Variants in FAM91A1 observed in about 807,000 individuals in gnomAD.
FAM91A1 encodes protein FAM91A1.
Under a neutral mutation model 113.5 loss-of-function variants are expected in FAM91A1, and 41 were observed. That is an observed-to-expected ratio of 0.36 (90% CI 0.28 to 0.47). The LOEUF is 0.47. FAM91A1 is among the 20% of genes least tolerant of loss of function. FAM91A1 has a pLI of 1.00. For missense variants in FAM91A1, 696 were observed against 1,001.2 expected (o/e 0.70, Z 4.11); for synonymous variants, 307 against 347.9 (o/e 0.88, Z 1.31).
In FAM91A1 at chr8:123,806,214, G is replaced by T. The variant is rs200021331; in HGVS notation, c.2017G>T (p.Ala673Ser). ...ACTTGCAGATAGAAAACTCAGTGAT[G>T]CTTCTGATGAGAGAGGTTAGCCAAT... ...SQLADRKLSDASDERGEPDLA... is the reference protein window; with the variant it reads ...SQLADRKLSDSSDERGEPDLA... Residue 673 changes from alanine to serine, a missense_variant, in exon 20 of 24, where the codon GCT becomes TCT. Ala to Ser is a moderately conservative substitution (Grantham distance 99, BLOSUM62 1). Coordinates refer to ENST00000334705, the MANE Select transcript of FAM91A1 (RefSeq NM_144963.4). 1.8e-4 allele frequency: 290 copies of T among 1,611,710 alleles called. No homozygotes were observed. The highest frequency in any genetic ancestry group is 2.3e-4 in the Non-Finnish European group (275 of 1,178,840).
In FAM91A1 at chr8:123,808,449, C is replaced by G. The variant is rs1184362813; in HGVS notation, c.2137+73C>G. On this transcript the variant is annotated intron_variant, in intron 21 of 23. Coordinates refer to ENST00000334705, the MANE Select transcript of FAM91A1 (RefSeq NM_144963.4). ...TTTAACTTTTATGTTAAGGCATTTG[C>G]ATGCCATTTGTCTATTCTTATTATT... The G allele has an allele frequency of 1.2e-5, 15 of 1,226,972 alleles. No homozygotes were observed. The South Asian group carries it at 1.8e-4, about 15-fold the overall frequency. 76.0% of individuals were successfully genotyped at this position (1,226,972 alleles called of 1,614,324 possible).
chr8:123,776,776 G>A (rs1161433575), intron 3 of FAM91A1, among the ~76,000 whole-genome samples: 1 of 152,232 alleles, frequency 6.6e-6, no homozygotes, highest in African/African-American at 2.4e-5. Flanking sequence ...TGGAGAAACA[G>A]ATTGGGGCAG....
intron 15 of FAM91A1, among the ~76,000 whole-genome samples, chr8:123,790,144 G>A (rs1456604845): frequency 6.6e-6 from 1 of 152,164 alleles, no homozygotes; most frequent in Non-Finnish European, 1.5e-5. Flanking sequence ...GGAGCCTTCT[G>A]TTCAAATGCT....
chr8:123,789,965 A>G (rs1000056789), intron 15 of FAM91A1, among the ~76,000 whole-genome samples: 2 of 152,296 alleles, frequency 1.3e-5, no homozygotes, highest in Non-Finnish European at 2.9e-5. Context: ...TGTAGTATTT[A>G]AATCTGTTCA....
chr8:123,802,695 A>G (rs1238086269), intron 18 of FAM91A1, among the ~76,000 whole-genome samples: 3 of 152,238 alleles, frequency 2.0e-5, no homozygotes, highest in African/African-American at 7.2e-5. Context: ...GGGAAGATAT[A>G]TAGTATGGGG....
chr8:123,778,591 A>T, intron 5 of FAM91A1, 68 bp from the exon 6 acceptor site: 1 of 1,052,276 alleles, frequency 9.5e-7, no homozygotes, highest in East Asian at 2.5e-5. Flanking sequence ...CAATCTTATG[A>T]TATGATTGAT....
chr8:123,775,374 A>G lies in FAM91A1; in HGVS notation c.309+76A>G, dbSNP rs1814957510. ...CTGGGACTTTTTGCAGATGTTCACCAGCTCTTCAGCTGTCGTCTGCGGTGG... is the reference window on the plus strand; with the variant it reads ...CTGGGACTTTTTGCAGATGTTCACCGGCTCTTCAGCTGTCGTCTGCGGTGG... On this transcript the variant is annotated intron_variant, in intron 3 of 23. Transcript: ENST00000334705. 3.3e-6 allele frequency: 5 copies of G among 1,526,362 alleles called. No individual in the cohort carries two copies. In the Admixed American group the frequency reaches 9.3e-5, roughly 28 times the overall value. 94.6% of individuals were successfully genotyped at this position (1,526,362 alleles called of 1,614,324 possible). A position where few individuals can be genotyped will look rare whatever the true frequency, so the allele number is the denominator to read the frequency against.
chr8:123,812,409 G>GA, intron 23 of FAM91A1, 110 bp from the exon 24 acceptor site: 1 of 714,156 alleles, frequency 1.4e-6, no homozygotes. Context: ...GTACTGCTTT[G>GA]CAATCCATAA....
At chr8:123,792,864 A>G (rs555278718) in intron 15 of FAM91A1, among the ~76,000 whole-genome samples, 1 of 152,308 alleles carries the variant, frequency 6.6e-6, no homozygotes, top group Admixed American at 6.5e-5. Context: ...CACCTATGAC[A>G]AGGTCAGAAA....
At position 123,775,253 on chromosome 8, in the gene FAM91A1, A is replaced by G. The variant is rs368811106; in HGVS notation, c.264A>G (p.Lys88=). The G allele has an allele frequency of 4.1e-5, 66 of 1,613,870 alleles. No homozygotes were observed. The highest frequency in any genetic ancestry group is 5.3e-5 in the African/African-American group (4 of 74,924). The change falls in exon 3 of 24, where the codon AAA becomes AAG. Residue 88 remains lysine (K), a synonymous_variant. Transcript: ENST00000334705. ...ACCATCTATCGGATATTATGGTGAA[A>G]GGCTTGAGGATAACACCATTTTCAT... ...YPYHLSDIMV[K]GLRITPFSYY...
Position 123,799,831 on chromosome 8 carries a change from A to G in FAM91A1, c.1755A>G (p.Ser585=), listed in dbSNP as rs757274086. The change falls in exon 18 of 24, where the codon TCA becomes TCG. Residue 585 remains serine (S), a synonymous_variant. Transcript: ENST00000334705. ...ATGATCCTGGAGTAGTTCCTACCTC[A>G]AATGTGCTCACGATGTTGAATGATG... The part of the protein sequence containing the change: ...WGHDPGVVPT[S]NVLTMLNDAL... 23 of 1,609,718 alleles carry G rather than the reference A, an allele frequency of 1.4e-5. No individual in the cohort carries two copies. Among genetic ancestry groups the G allele is most frequent in the Non-Finnish European group, 1.8e-5 (21 of 1,176,516 alleles).
At chr8:123,776,363 A>T (rs1814983262) in intron 3 of FAM91A1, among the ~76,000 whole-genome samples, 1 of 152,236 alleles carries the variant, frequency 6.6e-6, no homozygotes, top group Non-Finnish European at 1.5e-5. Context: ...GGTTAGCCCT[A>T]CATACGATGT....
chr8:123,792,153 T>A (rs1404019631), intron 15 of FAM91A1, among the ~76,000 whole-genome samples: 1 of 151,688 alleles, frequency 6.6e-6, no homozygotes, highest in African/African-American at 2.4e-5. Context: ...CCAGCCTGGG[T>A]GACAGACTGA....
Position 123,789,593 on chromosome 8 carries a change from TC to T in FAM91A1, c.1279-19del. The T allele has an allele frequency of 6.2e-7, 1 of 1,611,226 alleles. No homozygotes were observed. Among genetic ancestry groups the T allele is most frequent in the Non-Finnish European group, 8.5e-7 (1 of 1,179,484 alleles). ...TAAAAGTGGTATTTTTGTTGCAAAA[TC>T]TATTTTCTCTTGGTTTAGGTTCAGA... On this transcript the variant is annotated intron_variant, in intron 14 of 23. Coordinates refer to ENST00000334705, the MANE Select transcript of FAM91A1 (RefSeq NM_144963.4).
At chr8:123,777,369 TTG>T (rs748467026) in intron 4 of FAM91A1, 47 bp downstream of exon 4, 1 of 1,511,248 alleles carries the variant, frequency 6.6e-7, no homozygotes, top group Non-Finnish European at 9.1e-7. Flanking sequence ...GGTTGTGTCT[TTG>T]TGCATCCTGT....
intron 23 of FAM91A1, among the ~76,000 whole-genome samples, chr8:123,811,857 G>GT (rs910535124): frequency 1.4e-3 from 219 of 151,860 alleles, no homozygotes; most frequent in African/African-American, 4.9e-3. Context: ...GTTTTGTAAG[G>GT]TTTTTTTTGT....
Position 123,785,693 on chromosome 8 carries a change from A to G in FAM91A1, c.914A>G (p.Asp305Gly), listed in dbSNP as rs750754728. The G allele has an allele frequency of 1.2e-6, 2 of 1,609,598 alleles. No individual in the cohort carries two copies. Among genetic ancestry groups the G allele is most frequent in the South Asian group, 1.1e-5 (1 of 90,062 alleles). The change falls in exon 11 of 24, where the codon GAT becomes GGT. Residue 305 changes from aspartate to glycine, a missense_variant. Asp to Gly is a moderately conservative substitution (Grantham distance 94). Transcript: ENST00000334705. ...AAGAAGGGACAAGTAATTAATTTGGATCAACTTCATTCATCATGGAAGAAT... is the reference window on the plus strand; with the variant it reads ...AAGAAGGGACAAGTAATTAATTTGGGTCAACTTCATTCATCATGGAAGAAT... ...AHKKGQVINL[D>G]QLHSSWKNVP...
chr8:123,793,149 C>G (rs549509284), intron 15 of FAM91A1, among the ~76,000 whole-genome samples: 1 of 152,314 alleles, frequency 6.6e-6, no homozygotes, highest in South Asian at 2.1e-4. Flanking sequence ...ACACCCCATG[C>G]TTTCCATCTA....
Position 123,786,734 on chromosome 8 carries a change from T to C in FAM91A1, c.1078+124T>C, listed in dbSNP as rs569095243. 2.1e-5 allele frequency: 16 copies of C among 754,500 alleles called. No homozygotes were observed. The East Asian group carries it at 4.0e-4, about 19-fold the overall frequency. The allele number at this position is 754,500 out of a possible 1,614,324, so 46.7% of individuals were successfully genotyped here. On this transcript the variant is annotated intron_variant, in intron 12 of 23. Transcript: ENST00000334705. ...TATTCAATACGCAGTCTTTGAGTGT[T>C]TTACTATATTTTGGGCACTGTGCTA... is the stretch of plus-strand genomic sequence containing the variant.
Sources: allele counts gnomAD v4.1 joint callset (sites outside exome capture counted in the v4.1 genomes callset), GRCh38; gene constraint gnomAD v4.1.1; transcripts MANE v1.5; gene names NCBI Gene and HGNC (gene_info 2026-07-23, HGNC 2026-07-21).